TUFM: variants seen among roughly 807,000 people sequenced by gnomAD.
TUFM encodes elongation factor Tu, mitochondrial.
In TUFM, 23 loss-of-function variants were observed where a neutral mutation model predicts 45.0. The ratio of observed to expected loss-of-function variants is 0.51; its 90% CI spans 0.37 to 0.72. The LOEUF is 0.72. Ranked by LOEUF, TUFM falls within the 30% of genes least tolerant of loss-of-function variation. The probability of loss-of-function intolerance (pLI) is 0.00; values close to 1 mark genes in which losing one functional copy is unlikely to be tolerated. For synonymous variants in TUFM, 243 were observed against 252.9 expected, an observed-to-expected ratio of 0.96 and a Z score of 0.37; for missense variants, 490 against 610.7, an observed-to-expected ratio of 0.80 and a Z score of 2.08.
At position 28,842,962 on chromosome 16, in the gene TUFM, G is replaced by C. The variant is rs1351551764; in HGVS notation, c.*13C>G. On this transcript the variant is annotated 3_prime_UTR_variant, in exon 10 of 10. Coordinates refer to ENST00000313511, the MANE Select transcript of TUFM (RefSeq NM_003321.5). ...CCTTAAACGCAAGGGAAGCTGAGCA[G>C]AGATCTGCACACTCAACCCCATTTG... 6.2e-7 allele frequency: 1 copy of C among 1,614,006 alleles called. No individual in the cohort carries two copies. Among genetic ancestry groups the C allele is most frequent in the South Asian group, 1.1e-5 (1 of 91,062 alleles).
chr16:28,842,531 G>A lies in TUFM; in HGVS notation c.*444C>T, dbSNP rs761853090. 7.3e-5 allele frequency: 18 copies of A among 247,502 alleles called. No homozygotes were observed. The highest frequency in any genetic ancestry group is 6.2e-4 in the East Asian group (6 of 9,738). 15.3% of individuals were successfully genotyped at this position (247,502 alleles called of 1,614,324 possible). ...ATGCTAGACATTCACTTAGTATTCC[G>A]AGGAAACAAGATGGGTTTGGCACCT... On this transcript the variant is annotated 3_prime_UTR_variant, in exon 10 of 10. Coordinates refer to ENST00000313511, the MANE Select transcript of TUFM (RefSeq NM_003321.5).
Position 28,845,512 on chromosome 16 carries a change from A to G in TUFM, c.248-32T>C, listed in dbSNP as rs534957681. On this transcript the variant is annotated intron_variant, in intron 2 of 9. Coordinates refer to ENST00000313511, the MANE Select transcript of TUFM (RefSeq NM_003321.5). The stretch of plus-strand genomic sequence containing the variant: ...GAGGAAAAGAACACACCTCTCAGCT[A>G]AAGTTCCAGTGCTAGAGGCAGAGCT... 8.1e-6 allele frequency: 13 copies of G among 1,613,902 alleles called. No homozygotes were observed. In the South Asian group the frequency reaches 1.3e-4, roughly 16 times the overall value.
At position 28,846,048 on chromosome 16, in the gene TUFM, C is replaced by G; in HGVS notation, c.111G>C (p.Pro37=). 1 of 1,613,740 alleles carries G rather than the reference C, an allele frequency of 6.2e-7. No individual in the cohort carries two copies. Among genetic ancestry groups the G allele is most frequent in the Non-Finnish European group, 8.5e-7 (1 of 1,179,966 alleles). Residue 37 remains proline, a synonymous_variant, in exon 2 of 10, where the codon CCG becomes CCC. Coordinates refer to ENST00000313511, the MANE Select transcript of TUFM (RefSeq NM_003321.5). The stretch of plus-strand genomic sequence containing the variant: ...GGCCGCGGCACAAGAGAGGCAATGC[C>G]GGGGCTTTCAGCAGCCGCAACAGAC... ...LQGLLRLLKA[P]ALPLLCRGLA...
In TUFM at chr16:28,844,963, T is replaced by G. The variant is rs780352945; in HGVS notation, c.507A>C (p.Leu169Phe). Residue 169 changes from leucine (L) to phenylalanine (F), a missense_variant, in exon 4 of 10, where the codon TTA (leucine) becomes TTC (phenylalanine). Leu to Phe is a conservative substitution (Grantham distance 22). Transcript: ENST00000313511. This position sits in a 1 kb window ranked among gnomAD's most constrained non-coding sequence, Gnocchi z 5.8. The part of the protein sequence containing the change: ...GPMPQTREHL[L>F]LARQIGVEHV... ...AGGCTCTGAGTACCTGTCTGGCCAG[T>G]AATAAGTGCTCTCGGGTCTGGGGCA... is the stretch of plus-strand genomic sequence containing the variant. 1.2e-6 allele frequency: 2 copies of G among 1,614,112 alleles called. No individual in the cohort carries two copies. Among genetic ancestry groups the G allele is most frequent in the Admixed American group, 1.7e-5 (1 of 59,996 alleles).
At position 28,846,211 on chromosome 16, in the gene TUFM, C is replaced by T. The variant is rs1323967079; in HGVS notation, c.52+7G>A. On this transcript the variant is annotated splice_region_variant and intron_variant, in intron 1 of 9. Coordinates refer to ENST00000313511, the MANE Select transcript of TUFM (RefSeq NM_003321.5). ...CTGGGCCGCCATCGCCCTCCCTGAC[C>T]ACTCACCGCTGAAGTGGGGCGTCGC... is the stretch of plus-strand genomic sequence containing the variant. 1.3e-6 allele frequency: 2 copies of T among 1,580,450 alleles called. No homozygotes were observed. The highest frequency in any genetic ancestry group is 1.7e-6 in the Non-Finnish European group (2 of 1,163,362).
At chr16:28,845,646 G>C (rs1223961995) in intron 2 of TUFM, among the ~76,000 whole-genome samples, 166 bp from the exon 3 acceptor site, 2 of 152,118 alleles carry the variant, frequency 1.3e-5, no homozygotes. Context: ...GGGCCTTAAG[G>C]GTCTGCCCTG....
At position 28,846,303 on chromosome 16, in the gene TUFM, G is replaced by A. The variant is rs368253111; in HGVS notation, c.-34C>T. The A allele has an allele frequency of 3.4e-4, 528 of 1,546,056 alleles. No individual in the cohort carries two copies. Among genetic ancestry groups the A allele is most frequent in the Non-Finnish European group, 4.2e-4 (485 of 1,143,166 alleles). On this transcript the variant is annotated 5_prime_UTR_variant, in exon 1 of 10. Coordinates refer to ENST00000313511, the MANE Select transcript of TUFM (RefSeq NM_003321.5). ...CCCGGTAACCGGGGAGCCGGGACCA[G>A]GAGCCCGAGCGCACAGAAGAAGAAG...
At position 28,844,833 on chromosome 16, in the gene TUFM, C is replaced by G; in HGVS notation, c.549G>C (p.Val183=). Residue 183 remains valine, a synonymous_variant, in exon 5 of 10, where the codon GTG becomes GTC. Coordinates refer to ENST00000313511, the MANE Select transcript of TUFM (RefSeq NM_003321.5). The surrounding 1 kb of genome is among the most constrained non-coding windows in gnomAD (Gnocchi z 5.8). Reference sequence around the variant, plus strand: ...AGTCCTGGACAGCGTCAGCCTTGTTCACATACACCACCACATGCTCCACCC... The same window carrying G: ...AGTCCTGGACAGCGTCAGCCTTGTTGACATACACCACCACATGCTCCACCC... ...QIGVEHVVVY[V]NKADAVQDSE... 6 of 1,614,208 alleles carry G rather than the reference C, an allele frequency of 3.7e-6. No homozygotes were observed. The highest frequency in any genetic ancestry group is 5.1e-6 in the Non-Finnish European group (6 of 1,180,042).
Position 28,846,314 on chromosome 16 carries a change from G to A in TUFM, c.-45C>T, listed in dbSNP as rs1346357592. The A allele has an allele frequency of 6.5e-7, 1 of 1,542,504 alleles. No homozygotes were observed. The highest frequency in any genetic ancestry group is 2.5e-5 in the East Asian group (1 of 40,764). On this transcript the variant is annotated 5_prime_UTR_variant, in exon 1 of 10. Transcript: ENST00000313511. The stretch of plus-strand genomic sequence containing the variant: ...GGGAGCCGGGACCAGGAGCCCGAGC[G>A]CACAGAAGAAGAAGGGCGCCTGCGG...
At chr16:28,845,539 AGACCACGCCCCT>A in intron 2 of TUFM, 59 bp from the exon 3 acceptor site, 1 of 1,606,100 alleles carries the variant, frequency 6.2e-7, no homozygotes, top group Non-Finnish European at 8.5e-7. Flanking sequence ...GGCAGAGCTT[AGACCACGCCCCT>A]GAACCCTCCC....
intron 9 of TUFM, 36 bp downstream of exon 9, chr16:28,843,700 C>G: frequency 1.2e-6 from 2 of 1,611,352 alleles, no homozygotes; most frequent in Non-Finnish European, 1.7e-6. Flanking sequence ...TATAAAAAGT[C>G]CCCCCTCCAC....
In TUFM at chr16:28,844,376, G is replaced by A. The variant is rs1268230061; in HGVS notation, c.818-42C>T. ...CAGGATATCAGGGACCCCGAGCTAG[G>A]CTTCTGCTAGAGAGAGTGCGTGGGA... On this transcript the variant is annotated intron_variant, in intron 6 of 9. Coordinates refer to ENST00000313511, the MANE Select transcript of TUFM (RefSeq NM_003321.5). The surrounding 1 kb of genome is among the most constrained non-coding windows in gnomAD (Gnocchi z 5.8). 7 of 1,614,166 alleles carry A rather than the reference G, an allele frequency of 4.3e-6. No homozygotes were observed. In the South Asian group the frequency reaches 5.5e-5, roughly 13 times the overall value.
In TUFM at chr16:28,845,463, C is replaced by T; in HGVS notation, c.265G>A (p.Gly89Arg). Reference sequence around the variant, plus strand: ...TCCTCGTACTTCTTGAACTTAGCCCCACCTCCCTCAGCTAGAACTAAAGGA... The same window carrying T: ...TCCTCGTACTTCTTGAACTTAGCCCTACCTCCCTCAGCTAGAACTAAAGGA... Reference protein sequence around the residue: ...AITKILAEGGGAKFKKYEEID... With the variant: ...AITKILAEGGRAKFKKYEEID... The change falls in exon 3 of 10, where the codon GGG becomes AGG. Residue 89 changes from glycine to arginine, a missense_variant. Coordinates refer to ENST00000313511, the MANE Select transcript of TUFM (RefSeq NM_003321.5). The T allele has an allele frequency of 6.2e-7, 1 of 1,614,176 alleles. No individual in the cohort carries two copies. The highest frequency in any genetic ancestry group is 1.1e-5 in the South Asian group (1 of 91,088).
chr16:28,844,185 G>A lies in TUFM; in HGVS notation c.922+45C>T. 2 of 1,613,444 alleles carry A rather than the reference G, an allele frequency of 1.2e-6. No homozygotes were observed. The highest frequency in any genetic ancestry group is 1.7e-6 in the Non-Finnish European group (2 of 1,179,390). The stretch of plus-strand genomic sequence containing the variant: ...GGCACAAGGGATCTGCCGGGGTAAG[G>A]CCACCCTTCAGCCAGGCCCTGCTCT... On this transcript the variant is annotated intron_variant, in intron 7 of 9. Transcript: ENST00000313511. The surrounding 1 kb of genome is among the most constrained non-coding windows in gnomAD (Gnocchi z 5.8).
Position 28,846,301 on chromosome 16 carries a change from CAGG to C in TUFM, c.-35_-33del. On this transcript the variant is annotated 5_prime_UTR_variant, in exon 1 of 10. Coordinates refer to ENST00000313511, the MANE Select transcript of TUFM (RefSeq NM_003321.5). ...GCCCCGGTAACCGGGGAGCCGGGAC[CAGG>C]AGCCCGAGCGCACAGAAGAAGAAGG... 6.5e-7 allele frequency: 1 copy of C among 1,546,872 alleles called. No homozygotes were observed. Among genetic ancestry groups the C allele is most frequent in the Non-Finnish European group, 8.7e-7 (1 of 1,143,630 alleles).
rs1404402346 is a variant in TUFM at position 28,846,301 on chromosome 16, C to A, written c.-32G>T. 1.9e-6 allele frequency: 3 copies of A among 1,546,872 alleles called. No homozygotes were observed. Among genetic ancestry groups the A allele is most frequent in the Non-Finnish European group, 2.6e-6 (3 of 1,143,630 alleles). ...GCCCCGGTAACCGGGGAGCCGGGAC[C>A]AGGAGCCCGAGCGCACAGAAGAAGA... On this transcript the variant is annotated 5_prime_UTR_variant, in exon 1 of 10. Coordinates refer to ENST00000313511, the MANE Select transcript of TUFM (RefSeq NM_003321.5).
intron 9 of TUFM, 35 bp from the exon 10 acceptor site, chr16:28,843,183 C>G (rs767587350): frequency 9.9e-6 from 16 of 1,613,034 alleles, no homozygotes; most frequent in Non-Finnish European, 1.4e-5. Context: ...GCGTGGCCTC[C>G]AGGGTGCCTT....
chr16:28,845,127 A>G, intron 3 of TUFM, 72 bp from the exon 4 acceptor site: 2 of 1,586,810 alleles, frequency 1.3e-6, no homozygotes, highest in Non-Finnish European at 8.6e-7. Flanking sequence ...AGCCAAGTGT[A>G]GCAGTTAGAA....
chr16:28,843,216 T>C (rs974570136), intron 9 of TUFM, 68 bp from the exon 10 acceptor site: 1 of 1,550,104 alleles, frequency 6.5e-7, no homozygotes, highest in Non-Finnish European at 8.9e-7. Flanking sequence ...CTTTTTTGGC[T>C]ACCTCGGAGG....
Sources: gnomAD v4.1 joint callset for allele counts (sites outside exome capture counted in the v4.1 genomes callset) on GRCh38, gnomAD v4.1.1 for gene constraint, Gnocchi (gnomAD v3.1) non-coding constraint, MANE v1.5 for transcripts, NCBI Gene and HGNC (gene_info 2026-07-23, HGNC 2026-07-21) for gene names.